The following ADGRG5 variants were observed in gnomAD, a reference collection of about 807,000 sequenced individuals.
The protein encoded by ADGRG5 is adhesion G protein-coupled receptor G5, also known as G protein-coupled receptor 114.
In ADGRG5, 37 loss-of-function variants were observed where a neutral mutation model predicts 53.2. The observed-to-expected ratio is 0.70, with a 90% CI of 0.53 to 0.91. The LOEUF is 0.91. ADGRG5 is among the 40% of genes least tolerant of loss of function. The pLI is 0.00. For missense variants in ADGRG5, 614 were observed against 675.8 expected, an observed-to-expected ratio of 0.91 and a Z score of 1.01; for synonymous variants, 277 against 290.4, an observed-to-expected ratio of 0.95 and a Z score of 0.47.
At chr16:57,543,428 AC>A (rs2032538149) in intron 1 of ADGRG5, among the ~76,000 whole-genome samples, 2 of 151,826 alleles carry the variant, frequency 1.3e-5, no homozygotes, top group African/African-American at 4.8e-5. Flanking sequence ...GATTACAGGC[AC>A]CAGCCAGCAT....
the ADGRG5 span, chr16:57,529,210 G>A: frequency 8.6e-7 from 1 of 1,159,474 alleles, no homozygotes; most frequent in Non-Finnish European, 1.1e-6. This position sits in a 1 kb window ranked among gnomAD's most constrained non-coding sequence, Gnocchi z 4.1. Context: ...GCTCGAACTC[G>A]CGGTCGGGCT....
At position 57,574,841 on chromosome 16, in the gene ADGRG5, A is replaced by G. The variant is rs138832095; in HGVS notation, c.1235A>G (p.His412Arg). The stretch of plus-strand genomic sequence containing the variant: ...TGCTGGGTGCGGAGCCCCGTGGTGC[A>G]CAGTGTCCTGGTCATGGGCTACGGC... ...SICWVRSPVVHSVLVMGYGGL... is the reference protein window; with the variant it reads ...SICWVRSPVVRSVLVMGYGGL... The change falls in exon 11 of 12, where the codon CAC (histidine) becomes CGC (arginine). Residue 412 changes from histidine (H) to arginine (R), a missense_variant. By Grantham distance (29) the His-to-Arg change is conservative (BLOSUM62 0). Coordinates refer to ENST00000349457, the MANE Select transcript of ADGRG5 (RefSeq NM_001304376.3). The surrounding 1 kb of genome is among the most constrained non-coding windows in gnomAD (Gnocchi z 4.4). 511 of 1,602,020 alleles carry G rather than the reference A, an allele frequency of 3.2e-4. No individual in the cohort carries two copies. The highest frequency in any genetic ancestry group is 4.0e-4 in the Non-Finnish European group (472 of 1,173,120).
chr16:57,555,647 C>T (rs1328253350), intron 1 of ADGRG5, among the ~76,000 whole-genome samples: 3 of 152,160 alleles, frequency 2.0e-5, no homozygotes, highest in African/African-American at 4.8e-5. Flanking sequence ...TAGGTGCACA[C>T]ACATTAAAGA....
At chr16:57,573,964 C>T (rs547598624) in intron 10 of ADGRG5, among the ~76,000 whole-genome samples, 4 of 152,284 alleles carry the variant, frequency 2.6e-5, no homozygotes, top group East Asian at 3.9e-4. Context: ...TCAAGTGATT[C>T]GCCCACCTCG....
chr16:57,560,695 GAAACT>G (rs1316911523), intron 1 of ADGRG5, among the ~76,000 whole-genome samples: 3 of 152,220 alleles, frequency 2.0e-5, no homozygotes, highest in African/African-American at 7.2e-5. Flanking sequence ...GGATGGTGAG[GAAACT>G]CCTGAATACT....
At chr16:57,573,984 A>G (rs2033435975) in intron 10 of ADGRG5, among the ~76,000 whole-genome samples, 2 of 152,084 alleles carry the variant, frequency 1.3e-5, no homozygotes, top group African/African-American at 4.8e-5. Context: ...GGCCTCCCAA[A>G]GTGCTGAGAT....
chr16:57,530,498 C>T, the ADGRG5 span, among the ~76,000 whole-genome samples: 4 of 152,212 alleles, frequency 2.6e-5, no homozygotes, highest in African/African-American at 9.6e-5. Context: ...TGGGACTCGG[C>T]ACTGGCTGTC....
chr16:57,575,378 A>G, intron 11 of ADGRG5, 60 bp from the exon 12 acceptor site: 1 of 1,495,296 alleles, frequency 6.7e-7, no homozygotes, highest in East Asian at 2.3e-5. Flanking sequence ...GCAGCCAAGG[A>G]GACCCTGGCC....
At chr16:57,541,348 A>G (rs1024697765), upstream of ADGRG5, among the ~76,000 whole-genome samples, 3 of 152,204 alleles carry the variant, frequency 2.0e-5, no homozygotes, top group Admixed American at 1.3e-4. Context: ...GACCTCGGAA[A>G]GGAAGAGCCT....
Position 57,574,834 on chromosome 16 carries a change from G to A in ADGRG5, c.1228G>A (p.Val410Met), listed in dbSNP as rs777512085. 15 of 1,595,402 alleles carry A rather than the reference G, an allele frequency of 9.4e-6. No individual in the cohort carries two copies. The African/African-American group carries it at 1.2e-4, about 13-fold the overall frequency. ...CTGCAGATGCTGGGTGCGGAGCCCC[G>A]TGGTGCACAGTGTCCTGGTCATGGG... ...NMSICWVRSPVVHSVLVMGYG... is the reference protein window; with the variant it reads ...NMSICWVRSPMVHSVLVMGYG... The change falls in exon 11 of 12, where the codon GTG (valine) becomes ATG (methionine). Residue 410 changes from valine to methionine, a missense_variant. Transcript: ENST00000349457. The surrounding 1 kb of genome is among the most constrained non-coding windows in gnomAD (Gnocchi z 4.4).
At position 57,574,999 on chromosome 16, in the gene ADGRG5, C is replaced by A; in HGVS notation, c.1393C>A (p.Leu465Met). 6.2e-7 allele frequency: 1 copy of A among 1,614,000 alleles called. No individual in the cohort carries two copies. Among genetic ancestry groups the A allele is most frequent in the Non-Finnish European group, 8.5e-7 (1 of 1,179,994 alleles). The change falls in exon 11 of 12, where the codon CTG becomes ATG. Residue 465 changes from leucine to methionine, a missense_variant. Coordinates refer to ENST00000349457, the MANE Select transcript of ADGRG5 (RefSeq NM_001304376.3). The surrounding 1 kb of genome is among the most constrained non-coding windows in gnomAD (Gnocchi z 4.4). ...TGTCACTGTGCTGGGCCTCACCGTGCTGCTGGGAACCACCTGGGCCTTGGC... is the reference window on the plus strand; with the variant it reads ...TGTCACTGTGCTGGGCCTCACCGTGATGCTGGGAACCACCTGGGCCTTGGC... ...DTVTVLGLTV[L>M]LGTTWALAFF...
intron 1 of ADGRG5, among the ~76,000 whole-genome samples, chr16:57,561,485 C>T (rs1472748432): frequency 5.3e-5 from 8 of 152,154 alleles, no homozygotes; most frequent in African/African-American, 1.9e-4. Flanking sequence ...TCCTTTCTTC[C>T]CCATTGTACT....
At chr16:57,563,362 TC>T in intron 4 of ADGRG5, 115 bp downstream of exon 4, 1 of 896,178 alleles carries the variant, frequency 1.1e-6, no homozygotes, top group Non-Finnish European at 1.8e-6. Flanking sequence ...CACCCCACAG[TC>T]CAGGCTCTGC....
intron 1 of ADGRG5, among the ~76,000 whole-genome samples, chr16:57,547,638 G>A (rs964509364): frequency 1.3e-5 from 2 of 152,022 alleles, no homozygotes; most frequent in African/African-American, 2.4e-5. Flanking sequence ...GTAGAGACGC[G>A]GTTTCATCAT....
At position 57,565,133 on chromosome 16, in the gene ADGRG5, T is replaced by A. The variant is rs377408158; in HGVS notation, c.529T>A (p.Trp177Arg). The A allele has an allele frequency of 4.5e-5, 72 of 1,612,536 alleles. No homozygotes were observed. The highest frequency in any genetic ancestry group is 6.0e-5 in the Non-Finnish European group (71 of 1,178,668). ...CAGGGATCCTGTGAACATCAGCTTC[T>A]GGCACAACCAAAGCCTGGTACTGCT... is the stretch of plus-strand genomic sequence containing the variant. ...NLRDPVNISF[W>R]HNQSLEGYTL... The change falls in exon 6 of 12, where the codon TGG (tryptophan) becomes AGG (arginine). Residue 177 changes from tryptophan to arginine, a missense_variant. By Grantham distance (101) the Trp-to-Arg change is moderately radical. Transcript: ENST00000349457.
In ADGRG5 at chr16:57,548,114, A is replaced by G. The variant is rs1297029231; in HGVS notation, c.-39+5413A>G. Among the ~76,000 whole-genome samples, 17 of 151,432 alleles carry G rather than the reference A, an allele frequency of 1.1e-4. 1 individual carries two copies. Among genetic ancestry groups the G allele is most frequent in the African/African-American group, 3.9e-4 (16 of 41,180 alleles). On this transcript the variant is annotated intron_variant, in intron 1 of 11. Coordinates refer to ENST00000349457, the MANE Select transcript of ADGRG5 (RefSeq NM_001304376.3). ...GGCTGGTCTTGAACTCCTGGCCTCA[A>G]GCGATTCTCCTGCCTTAGTTTAGGA...
At chr16:57,529,185 CCGGGCGGGCCCTGAGCTCGAACTCG>C in the ADGRG5 span, 1 of 1,178,590 alleles carries the variant, frequency 8.5e-7, no homozygotes, top group Non-Finnish European at 1.0e-6. The surrounding 1 kb of genome is among the most constrained non-coding windows in gnomAD (Gnocchi z 4.1). Flanking sequence ...CATGGTGCGG[CCGGGCGGGCCCTGAGCTCGAACTCG>C]CGGTCGGGCT....
chr16:57,529,158 G>C, the ADGRG5 span: 2 of 1,184,832 alleles, frequency 1.7e-6, no homozygotes, highest in East Asian at 3.7e-5. The surrounding 1 kb of genome is among the most constrained non-coding windows in gnomAD (Gnocchi z 4.1). Context: ...GGCCAGCCGG[G>C]GGCTGGGCCC....
At chr16:57,533,490 A>C in the ADGRG5 span, among the ~76,000 whole-genome samples, 19 of 147,588 alleles carry the variant, frequency 1.3e-4, no homozygotes, top group African/African-American at 2.8e-4. Context: ...TCACACACAC[A>C]CCCCCAGGGA....
Sources: allele counts gnomAD v4.1 joint callset (sites outside exome capture counted in the v4.1 genomes callset), GRCh38; gene constraint gnomAD v4.1.1; non-coding constraint Gnocchi (gnomAD v3.1); transcripts MANE v1.5; gene names NCBI Gene and HGNC (gene_info 2026-07-23, HGNC 2026-07-21).